The following TTN variants were observed in gnomAD, a reference collection of about 807,000 sequenced individuals.
The protein encoded by TTN is titin, also known as connectin.
In TTN, 1,525 loss-of-function variants were observed where a neutral mutation model predicts 3,223.0. The observed-to-expected ratio is 0.47, with a 90% CI of 0.45 to 0.49. The LOEUF (loss-of-function observed/expected upper bound fraction) is 0.49. TTN is among the 20% of genes least tolerant of loss of function. The probability of loss-of-function intolerance (pLI) is 0.00; values close to 1 mark genes in which losing one functional copy is unlikely to be tolerated. For synonymous variants in TTN, 14,094 were observed against 15,161.0 expected (o/e 0.93, Z 5.17); for missense variants, 40,786 against 43,424.0 (o/e 0.94, Z 5.40).
Position 178,608,699 on chromosome 2 carries a change from C to G in TTN, c.52312G>C (p.Gly17438Arg). The change falls in exon 274 of 363, where the codon GGA becomes CGA. Residue 17438 changes from glycine (G) to arginine (R), a missense_variant. Physicochemically the swap from Gly to Arg is moderately radical, Grantham distance 125. Transcript: ENST00000589042. ...CKYSVTKLIE[G>R]KEYLFRVRAE... is the part of the protein sequence containing the mutation. Reference sequence around the variant, plus strand: ...CTTACACGGAAGAGGTACTCTTTTCCTTCAATCAGTTTTGTTACTGAATAT... The same window carrying G: ...CTTACACGGAAGAGGTACTCTTTTCGTTCAATCAGTTTTGTTACTGAATAT... 2.5e-6 allele frequency: 4 copies of G among 1,612,414 alleles called. No individual in the cohort carries two copies. The highest frequency in any genetic ancestry group is 3.4e-6 in the Non-Finnish European group (4 of 1,179,144).
At position 178,532,556 on chromosome 2, in the gene TTN, G is replaced by C; in HGVS notation, c.104059C>G (p.Leu34687Val). The part of the protein sequence containing the change: ...EEERLRLEEE[L>V]ELGFSASPPS... ...GGTGAAGCTGAAAAACCTAACTCAA[G>C]CTCTTCTTCAAGACGCAGCCTCTCT... The change falls in exon 358 of 363, where the codon CTT becomes GTT. Residue 34687 changes from leucine (L) to valine (V), a missense_variant. Coordinates refer to ENST00000589042, the MANE Select transcript of TTN (RefSeq NM_001267550.2). 2 of 1,613,934 alleles carry C rather than the reference G, an allele frequency of 1.2e-6. No individual in the cohort carries two copies. The highest frequency in any genetic ancestry group is 1.7e-6 in the Non-Finnish European group (2 of 1,179,856).
chr2:178,636,400 TCTA>T lies in TTN; in HGVS notation c.41324_41326del (p.Val13775del). 1 of 1,601,406 alleles carries T rather than the reference TCTA, an allele frequency of 6.2e-7. No homozygotes were observed. Among genetic ancestry groups the T allele is most frequent in the Non-Finnish European group, 8.5e-7 (1 of 1,173,256 alleles). On this transcript the variant is annotated inframe_deletion, in exon 225 of 363. Transcript: ENST00000589042. This position sits in a 1 kb window ranked among gnomAD's most constrained non-coding sequence, Gnocchi z 4.3. ...ATGTTCAGAAGACTAGAAATTACCT[TCTA>T]CAACAAGTTTAGCCGTGGAGGTCTT...
Position 178,663,850 on chromosome 2 carries a change from A to C in TTN, c.36417T>G (p.Pro12139=), listed in dbSNP as rs749583507. ...CAGGTGGGACTTCAGGCTCTTTAGGAGGAGCCAAGGGCACTTTCTCTTCGC... is the reference window on the plus strand; with the variant it reads ...CAGGTGGGACTTCAGGCTCTTTAGGCGGAGCCAAGGGCACTTTCTCTTCGC... ...VIREEKVPLA[P]PKEPEVPPVK... The change falls in exon 170 of 363, where the codon CCT becomes CCG. Residue 12139 remains proline, a synonymous_variant. Transcript: ENST00000589042. 1 of 1,613,446 alleles carries C rather than the reference A, an allele frequency of 6.2e-7. No homozygotes were observed. Among genetic ancestry groups the C allele is most frequent in the Admixed American group, 1.7e-5 (1 of 60,002 alleles).
intron 220 of TTN, among the ~76,000 whole-genome samples, chr2:178,640,987 A>T (rs886897161): frequency 6.6e-6 from 1 of 151,976 alleles, no homozygotes; most frequent in Non-Finnish European, 1.5e-5. Flanking sequence ...TGATTATTTC[A>T]GTCATTTCTA....
intron 217 of TTN, chr2:178,644,869 G>T (rs1266999909): frequency 2.6e-6 from 1 of 385,186 alleles, no homozygotes; most frequent in Non-Finnish European, 4.6e-6. Context: ...GCAGGAGGAA[G>T]AAATTTTCCT....
Position 178,636,589 on chromosome 2 carries a change from G to C in TTN, c.41138C>G (p.Ser13713Cys). The C allele has an allele frequency of 1.2e-6, 2 of 1,613,428 alleles. No individual in the cohort carries two copies. Among genetic ancestry groups the C allele is most frequent in the Non-Finnish European group, 1.7e-6 (2 of 1,179,572 alleles). The change falls in exon 225 of 363, where the codon TCC becomes TGC. Residue 13713 changes from serine (S) to cysteine (C), a missense_variant. Coordinates refer to ENST00000589042, the MANE Select transcript of TTN (RefSeq NM_001267550.2). The surrounding 1 kb of genome is among the most constrained non-coding windows in gnomAD (Gnocchi z 4.3). The part of the protein sequence containing the change: ...SAIFECLVSP[S>C]TAITTWMKDG... ...TTTCATCCAGGTTGTAATTGCAGTG[G>C]AAGGGGAGACCAAACATTCAAAGAT...
rs1687674300 is a variant in TTN, at chr2:178,528,748, C to T, written c.107003G>A (p.Ser35668Asn). ...SDQTLTIKQA[S>N]HRDEGILTCI... ...GGTGAGGATTCCTTCATCTCTGTGA[C>T]TGGCTTGCTTGATGGTTAGGGTCTG... The change falls in exon 360 of 363, where the codon AGT becomes AAT. Residue 35668 changes from serine to asparagine, a missense_variant. By Grantham distance (46) the Ser-to-Asn change is conservative. Transcript: ENST00000589042. The T allele has an allele frequency of 1.2e-6, 2 of 1,613,112 alleles. No individual in the cohort carries two copies. Among genetic ancestry groups the T allele is most frequent in the Non-Finnish European group, 1.7e-6 (2 of 1,179,320 alleles).
At chr2:178,668,721 G>A (rs1245395806) in intron 159 of TTN, among the ~76,000 whole-genome samples, 1 of 146,052 alleles carries the variant, frequency 6.8e-6, no homozygotes. Context: ...GCAGCAGAGT[G>A]AGATTCCATC....
In TTN at chr2:178,593,691, T is replaced by A. The variant is rs750320421; in HGVS notation, c.58609A>T (p.Thr19537Ser). The A allele has an allele frequency of 2.5e-6, 4 of 1,613,254 alleles. No individual in the cohort carries two copies. Among genetic ancestry groups the A allele is most frequent in the African/African-American group, 2.7e-5 (2 of 74,876 alleles). ...AGTAGTTTAGAAACTTTGCATGTTG[T>A]TTTAGCACTTGCAGATGTCACTGGC... ...WMPVTSASAK[T>S]TCKVSKLLEG... The change falls in exon 298 of 363, where the codon ACA (threonine) becomes TCA (serine). Residue 19537 changes from threonine to serine, a missense_variant. Transcript: ENST00000589042.
At chr2:178,665,072 G>A (rs2065669584) in intron 165 of TTN, 146 bp from the exon 166 acceptor site, 3 of 1,000,880 alleles carry the variant, frequency 3.0e-6, no homozygotes, top group Admixed American at 5.1e-5. Context: ...CTTTTAAGGG[G>A]TTAGTGGATC....
At chr2:178,588,295 G>T in intron 304 of TTN, 76 bp from the exon 305 acceptor site, 1 of 1,356,884 alleles carries the variant, frequency 7.4e-7, no homozygotes, top group Non-Finnish European at 9.9e-7. Context: ...CCTATTCTCA[G>T]TTAATCAAAT....
intron 6 of TTN, 25 bp from the exon 7 acceptor site, chr2:178,795,277 A>T: frequency 1.2e-6 from 2 of 1,609,240 alleles, no homozygotes; most frequent in Non-Finnish European, 1.7e-6. Flanking sequence ...GCAGAGGTCA[A>T]GAATGTCAAA....
intron 43 of TTN, among the ~76,000 whole-genome samples, chr2:178,762,511 G>T (rs575163722): frequency 9.9e-5 from 15 of 152,174 alleles, no homozygotes; most frequent in Admixed American, 2.0e-4. Flanking sequence ...ATATGTTATA[G>T]ACTTAAAAGC....
chr2:178,576,400 A>C lies in TTN; in HGVS notation c.69732T>G (p.Pro23244=). 1 of 1,568,792 alleles carries C rather than the reference A, an allele frequency of 6.4e-7. No homozygotes were observed. Among genetic ancestry groups the C allele is most frequent in the Non-Finnish European group, 8.6e-7 (1 of 1,164,626 alleles). ...TAGTATCAGTGACATGCGGATTTGAAGGTGGTCCTGGAGGATCTGAGAAAG... is the reference window on the plus strand; with the variant it reads ...TAGTATCAGTGACATGCGGATTTGACGGTGGTCCTGGAGGATCTGAGAAAG... The part of the protein sequence containing the change: ...MKDAAYPPGP[P]SNPHVTDTTK... Residue 23244 remains proline (P), a synonymous_variant, in exon 326 of 363, where the codon CCT becomes CCG. Transcript: ENST00000589042. This position sits in a 1 kb window ranked among gnomAD's most constrained non-coding sequence, Gnocchi z 4.3.
At position 178,592,401 on chromosome 2, in the gene TTN, GAC is replaced by G; in HGVS notation, c.59602_59603del (p.Val19868LeufsTer9). ...TACCTAATACAAGTACTTTTACTGA[GAC>G]AGTTTTTGAACCAGCTGGATTCTCC... ...TVENPAGSKT[V>X]SVKVLVLDKP... On this transcript the variant is annotated frameshift_variant, in exon 301 of 363. Transcript: ENST00000589042. LOFTEE classifies it high-confidence loss of function. The G allele has an allele frequency of 6.2e-7, 1 of 1,612,940 alleles. No homozygotes were observed. The highest frequency in any genetic ancestry group is 1.1e-5 in the South Asian group (1 of 90,834).
rs1690791818 is a variant in TTN at position 178,535,001 on chromosome 2, G to T, written c.101614C>A (p.His33872Asn). Residue 33872 changes from histidine (H) to asparagine (N), a missense_variant, in exon 358 of 363, where the codon CAT (histidine) becomes AAT (asparagine). Coordinates refer to ENST00000589042, the MANE Select transcript of TTN (RefSeq NM_001267550.2). Reference protein sequence around the residue: ...KEISILNIARHRNILHLHESF... With the variant: ...KEISILNIARNRNILHLHESF... ...TCATGGAGGTGTAAGATGTTTCTAT[G>T]CCTAGCAATATTCAGAATGGAAATT... 1 of 1,613,730 alleles carries T rather than the reference G, an allele frequency of 6.2e-7. No individual in the cohort carries two copies. The highest frequency in any genetic ancestry group is 1.3e-5 in the African/African-American group (1 of 75,006).
At chr2:178,642,157 G>A in intron 219 of TTN, 80 bp downstream of exon 219, 1 of 1,244,054 alleles carries the variant, frequency 8.0e-7, no homozygotes, top group South Asian at 1.8e-5. Flanking sequence ...GAAAACCAAA[G>A]GACAGAAACA....
chr2:178,533,225 T>C lies in TTN; in HGVS notation c.103390A>G (p.Lys34464Glu), dbSNP rs1207242068. ...ERLRYKKQEF[K>E]SKEEHERHVQ... The stretch of plus-strand genomic sequence containing the variant: ...TGTCGCTCATGCTCCTCCTTACTCT[T>C]GAATTCCTGTTTCTTGTACCTCAGG... Residue 34464 changes from lysine to glutamate, a missense_variant, in exon 358 of 363, where the codon AAG becomes GAG. Transcript: ENST00000589042. The C allele has an allele frequency of 6.2e-7, 1 of 1,613,832 alleles. No individual in the cohort carries two copies. Among genetic ancestry groups the C allele is most frequent in the African/African-American group, 1.3e-5 (1 of 74,924 alleles).
Position 178,577,232 on chromosome 2 carries a change from C to A in TTN, c.69103G>T (p.Val23035Leu), listed in dbSNP as rs200878877. Residue 23035 changes from valine to leucine, a missense_variant, in exon 324 of 363, where the codon GTA (valine) becomes TTA (leucine). Transcript: ENST00000589042. ...GGACCAGGTACATCAAGGACTGTTA[C>A]CTTCACATGTTCCACCTTCGTGCCA... ...PFGTKVEHVK[V>L]TVLDVPGPPG... The A allele has an allele frequency of 4.3e-6, 7 of 1,612,764 alleles. No individual in the cohort carries two copies. The Admixed American group carries it at 1.0e-4, about 23-fold the overall frequency.
Sources: gnomAD v4.1 joint callset for allele counts (sites outside exome capture counted in the v4.1 genomes callset) on GRCh38, gnomAD v4.1.1 for gene constraint, Gnocchi (gnomAD v3.1) non-coding constraint, MANE v1.5 for transcripts, NCBI Gene and HGNC (gene_info 2026-07-23, HGNC 2026-07-21) for gene names.